CDH6: variants seen among roughly 807,000 people sequenced by gnomAD.
CDH6 encodes cadherin 6.
Under a neutral mutation model 78.0 loss-of-function variants are expected in CDH6, and 31 were observed. The observed-to-expected ratio is 0.40, with a 90% CI of 0.30 to 0.54. The LOEUF (loss-of-function observed/expected upper bound fraction) is 0.54. CDH6 is among the 20% of genes least tolerant of loss of function. The pLI is 0.56. For synonymous variants in CDH6, 376 were observed against 368.8 expected, an observed-to-expected ratio of 1.02 and a Z score of -0.23; for missense variants, 724 against 975.9, an observed-to-expected ratio of 0.74 and a Z score of 3.44.
chr5:31,294,156 C>A lies in CDH6; in HGVS notation c.423C>A (p.Pro141=). ...INRRTGRPVE[P]ESEFIIKIHD... ...GAAGGACAGGGAGACCCGTGGAGCC[C>A]GAGTCTGAATTCATCATCAAGATCC... is the stretch of plus-strand genomic sequence containing the variant. The change falls in exon 3 of 12, where the codon CCC becomes CCA. Residue 141 remains proline (P), a synonymous_variant. Transcript: ENST00000265071. The surrounding 1 kb of genome is among the most constrained non-coding windows in gnomAD (Gnocchi z 4.1). The A allele has an allele frequency of 6.2e-7, 1 of 1,613,770 alleles. No individual in the cohort carries two copies. Among genetic ancestry groups the A allele is most frequent in the South Asian group, 1.1e-5 (1 of 91,050 alleles).
Position 31,302,308 on chromosome 5 carries a change from CT to C in CDH6, c.999+12del, listed in dbSNP as rs1561065377. 2 of 1,603,622 alleles carry C rather than the reference CT, an allele frequency of 1.2e-6. No homozygotes were observed. Among genetic ancestry groups the C allele is most frequent in the Non-Finnish European group, 1.7e-6 (2 of 1,172,086 alleles). On this transcript the variant is annotated intron_variant, in intron 6 of 11. Transcript: ENST00000265071. Reference sequence around the variant, plus strand: ...TATAACTGTCAAAAAGGTAATGCCGCTTCTTAAACACCATACAGAGTGAACC... The same window carrying C: ...TATAACTGTCAAAAAGGTAATGCCGCTCTTAAACACCATACAGAGTGAACC...
chr5:31,302,994 T>A (rs1316949887), intron 6 of CDH6, among the ~76,000 whole-genome samples: 1 of 145,714 alleles, frequency 6.9e-6, no homozygotes, highest in African/African-American at 2.5e-5. Flanking sequence ...GAAAACCAAT[T>A]CTAATGACAC....
At chr5:31,289,344 A>G (rs1462493185) in intron 2 of CDH6, among the ~76,000 whole-genome samples, 2 of 152,118 alleles carry the variant, frequency 1.3e-5, no homozygotes, top group Non-Finnish European at 2.9e-5. Context: ...GTGTATATGT[A>G]CCACATTTTC....
rs546048961 is a variant in CDH6 at position 31,329,071 on chromosome 5, A to T, written c.*5763A>T. The T allele has an allele frequency of 4.6e-4, 94 of 205,946 alleles. No homozygotes were observed. Among genetic ancestry groups the T allele is most frequent in the African/African-American group, 2.0e-3 (89 of 43,854 alleles). 12.8% of individuals were successfully genotyped at this position (205,946 alleles called of 1,614,324 possible). On this transcript the variant is annotated 3_prime_UTR_variant, in exon 12 of 12. Transcript: ENST00000265071. Reference sequence around the variant, plus strand: ...TAAAAAGTGATTTCTCACAAAGAGTAAATATGCCTTTTGCAAATCAATTTT... The same window carrying T: ...TAAAAAGTGATTTCTCACAAAGAGTTAATATGCCTTTTGCAAATCAATTTT...
At chr5:31,305,743 A>G (rs1935616465) in intron 7 of CDH6, among the ~76,000 whole-genome samples, 1 of 152,246 alleles carries the variant, frequency 6.6e-6, no homozygotes, top group African/African-American at 2.4e-5. Context: ...ATCCTCCCCC[A>G]TACTTTAAGT....
rs750696655 is a variant in CDH6, at chr5:31,326,680, A to ATTTTTTTTTTTTT, written c.*3372_*3373insTTTTTTTTTTTTT. On this transcript the variant is annotated 3_prime_UTR_variant, in exon 12 of 12. Coordinates refer to ENST00000265071, the MANE Select transcript of CDH6 (RefSeq NM_004932.4). ...CAAAGAGTTGTGCAGAAAATCTTAA[A>ATTTTTTTTTTTTT]ATTTTTTTTTTTTTTTTTTTTTTTT... 3.8e-5 allele frequency: 5 copies of ATTTTTTTTTTTTT among 130,316 alleles called. 1 individual carries two copies. The highest frequency in any genetic ancestry group is 3.2e-5 in the Non-Finnish European group (2 of 61,680). 8.1% of individuals were successfully genotyped at this position (130,316 alleles called of 1,614,324 possible). A position where few individuals can be genotyped will look rare whatever the true frequency, so the allele number is the denominator to read the frequency against.
intron 2 of CDH6, among the ~76,000 whole-genome samples, chr5:31,292,835 A>G (rs1406007304): frequency 5.2e-4 from 1 of 1,940 alleles, no homozygotes; most frequent in Admixed American, 8.1e-3. Flanking sequence ...ATATATATAT[A>G]TATATATATA....
chr5:31,207,052 C>A (rs1740545986), intron 1 of CDH6, among the ~76,000 whole-genome samples: 1 of 152,164 alleles, frequency 6.6e-6, no homozygotes, highest in Non-Finnish European at 1.5e-5. Flanking sequence ...AGCAAGAAAT[C>A]ACTCTACACA....
At chr5:31,204,045 A>G (rs1020378589) in intron 1 of CDH6, among the ~76,000 whole-genome samples, 2 of 152,232 alleles carry the variant, frequency 1.3e-5, no homozygotes, top group Non-Finnish European at 2.9e-5. Flanking sequence ...CTGCTCAGCC[A>G]TAACTTTTGC....
chr5:31,294,340 G>C lies in CDH6; in HGVS notation c.523+84G>C, dbSNP rs1436898827. 9.4e-7 allele frequency: 1 copy of C among 1,067,166 alleles called. No homozygotes were observed. The highest frequency in any genetic ancestry group is 1.4e-6 in the Non-Finnish European group (1 of 719,232). The allele number at this position is 1,067,166 out of a possible 1,614,324, so 66.1% of individuals were successfully genotyped here. Reference sequence around the variant, plus strand: ...AGGAATCCCACGAGCTCAAAGTACTGAACTGCATGAATTTAGATGCTAACT... The same window carrying C: ...AGGAATCCCACGAGCTCAAAGTACTCAACTGCATGAATTTAGATGCTAACT... On this transcript the variant is annotated intron_variant, in intron 3 of 11. Transcript: ENST00000265071. The surrounding 1 kb of genome is among the most constrained non-coding windows in gnomAD (Gnocchi z 4.1).
At position 31,328,109 on chromosome 5, in the gene CDH6, A is replaced by C. The variant is rs1738655957; in HGVS notation, c.*4801A>C. On this transcript the variant is annotated 3_prime_UTR_variant, in exon 12 of 12. Transcript: ENST00000265071. ...GCTGTATTTCAGACAGGACTGAGGC[A>C]CTTAGCCGAGGAGCCACTGGGTTAT... The C allele has an allele frequency of 4.7e-6, 1 of 213,798 alleles. No homozygotes were observed. The highest frequency in any genetic ancestry group is 2.3e-5 in the African/African-American group (1 of 43,806). 13.2% of individuals were successfully genotyped at this position (213,798 alleles called of 1,614,324 possible). A position where few individuals can be genotyped will look rare whatever the true frequency, so the allele number is the denominator to read the frequency against.
At chr5:31,299,412 C>T in intron 4 of CDH6, 52 bp from the exon 5 acceptor site, 5 of 1,401,758 alleles carry the variant, frequency 3.6e-6, no homozygotes, top group Non-Finnish European at 3.0e-6. Context: ...TCAATGATTC[C>T]ATAAAGTATT....
chr5:31,284,185 A>T (rs771506185), intron 2 of CDH6, among the ~76,000 whole-genome samples: 7 of 152,156 alleles, frequency 4.6e-5, no homozygotes, highest in Non-Finnish European at 8.8e-5. Context: ...AATAAAACTC[A>T]CTAATTCCAT....
At position 31,323,092 on chromosome 5, in the gene CDH6, G is replaced by A. The variant is rs779504531; in HGVS notation, c.2157G>A (p.Arg719=). Residue 719 remains arginine (R), a synonymous_variant, in exon 12 of 12, where the codon AGG becomes AGA. Coordinates refer to ENST00000265071, the MANE Select transcript of CDH6 (RefSeq NM_004932.4). The part of the protein sequence containing the change: ...NTDVRDFINQ[R]LKENDTDPTA... ...ATGTCAGAGATTTCATTAACCAAAG[G>A]TTAAAGGAAAATGACACGGACCCCA... 2.5e-6 allele frequency: 4 copies of A among 1,614,180 alleles called. No homozygotes were observed. In the South Asian group the frequency reaches 3.3e-5, roughly 13 times the overall value.
intron 1 of CDH6, among the ~76,000 whole-genome samples, chr5:31,230,930 G>A (rs56194768): frequency 0.082 from 12,512 of 152,066 alleles, 645 homozygotes; most frequent in South Asian, 0.26. Flanking sequence ...ATGTTAAGAC[G>A]AACAAACTCT....
chr5:31,200,197 T>C (rs1208779209), intron 1 of CDH6, among the ~76,000 whole-genome samples: 1 of 152,210 alleles, frequency 6.6e-6, no homozygotes, highest in African/African-American at 2.4e-5. Context: ...TGGGCCATTT[T>C]TATGAACATA....
intron 1 of CDH6, among the ~76,000 whole-genome samples, chr5:31,261,428 G>A (rs1412162432): frequency 6.6e-6 from 1 of 152,176 alleles, no homozygotes; most frequent in Non-Finnish European, 1.5e-5. Flanking sequence ...AGAGTTAAGT[G>A]TAGATCATCC....
chr5:31,247,406 G>T (rs1249270673), intron 1 of CDH6, among the ~76,000 whole-genome samples: 1 of 152,188 alleles, frequency 6.6e-6, no homozygotes, highest in African/African-American at 2.4e-5. Flanking sequence ...CCAGCTGATT[G>T]CAAAGCTCAT....
At chr5:31,224,519 G>C (rs1210563100) in intron 1 of CDH6, among the ~76,000 whole-genome samples, 1 of 152,134 alleles carries the variant, frequency 6.6e-6, no homozygotes, top group East Asian at 1.9e-4. Context: ...TAATCTCCAA[G>C]TTTCCAGAGA....
Sources: allele counts gnomAD v4.1 joint callset (sites outside exome capture counted in the v4.1 genomes callset), GRCh38; gene constraint gnomAD v4.1.1; non-coding constraint Gnocchi (gnomAD v3.1); transcripts MANE v1.5; gene names NCBI Gene and HGNC (gene_info 2026-07-23, HGNC 2026-07-21).